Variants in PRDM16 observed in about 807,000 individuals in gnomAD.
PRDM16 encodes PR/SET domain 16.
Under a neutral mutation model 110.6 loss-of-function variants are expected in PRDM16, and 23 were observed. That is an observed-to-expected ratio of 0.21 (90% CI 0.15 to 0.29). PRDM16 has a LOEUF of 0.29. PRDM16 is among the 10% of genes least tolerant of loss of function. The pLI, the probability that PRDM16 is intolerant of heterozygous loss-of-function variation, is 1.00. For missense variants in PRDM16, 1,615 were observed against 1,794.3 expected, an observed-to-expected ratio of 0.90 and a Z score of 1.81; for synonymous variants, 799 against 781.8, an observed-to-expected ratio of 1.02 and a Z score of -0.37.
rs183332380 is a variant in PRDM16, at chr1:3,178,113, T to C, written c.38-8012T>C. 2.8e-4 allele frequency among the ~76,000 whole-genome samples: 43 copies of C among 151,756 alleles called. No individual in the cohort carries two copies. In the East Asian group the frequency reaches 7.6e-3, roughly 27 times the overall value. On this transcript the variant is annotated intron_variant, in intron 1 of 16. Transcript: ENST00000270722. ...GCCCGGTGTTTGGCGAGCTGAGGAG[T>C]GGATCCTCCCCCTGCCAGCGATATT...
At chr1:3,326,975 G>A (rs1641927220) in intron 3 of PRDM16, among the ~76,000 whole-genome samples, 1 of 152,246 alleles carries the variant, frequency 6.6e-6, no homozygotes, top group Non-Finnish European at 1.5e-5. Context: ...CCAGACGCCT[G>A]CCCTGGGAGG....
At chr1:3,103,369 G>C (rs955923576) in intron 1 of PRDM16, among the ~76,000 whole-genome samples, 2 of 152,192 alleles carry the variant, frequency 1.3e-5, no homozygotes, top group African/African-American at 4.8e-5. Context: ...ATTAGGGCCC[G>C]TCCTAATGAC....
At chr1:3,423,525 T>G (rs1025974780) in intron 12 of PRDM16, among the ~76,000 whole-genome samples, 2 of 152,004 alleles carry the variant, frequency 1.3e-5, no homozygotes, top group Admixed American at 6.6e-5. Context: ...CCCCTCCCGG[T>G]CTGGGAGGCC....
rs1333156958 is a variant in PRDM16, at chr1:3,358,867, C to A, written c.439-26285C>A. Among the ~76,000 whole-genome samples, 3 of 152,148 alleles carry A rather than the reference C, an allele frequency of 2.0e-5. No homozygotes were observed. Among genetic ancestry groups the A allele is most frequent in the Admixed American group, 6.5e-5 (1 of 15,274 alleles). ...CTCAAGCCATTTTGAGGAAAACAGA[C>A]ACCCCTCTTGGGCCGCAGAGGAGGT... On this transcript the variant is annotated intron_variant, in intron 3 of 16. Coordinates refer to ENST00000270722, the MANE Select transcript of PRDM16 (RefSeq NM_022114.4). The surrounding 1 kb of genome is among the most constrained non-coding windows in gnomAD (Gnocchi z 4.0).
At position 3,102,370 on chromosome 1, in the gene PRDM16, C is replaced by T. The variant is rs531526978; in HGVS notation, c.37+33074C>T. ...CTACAGCAGTCTTCCAGGATGGAGT[C>T]CTGGAATAAAAGCTGTCATGGGAAG... On this transcript the variant is annotated intron_variant, in intron 1 of 16. Transcript: ENST00000270722. 7.6e-4 allele frequency among the ~76,000 whole-genome samples: 115 copies of T among 152,298 alleles called. 1 individual carries two copies. The highest frequency in any genetic ancestry group is 1.1e-3 in the Non-Finnish European group (73 of 68,010).
chr1:3,287,292 A>G (rs1640870211), intron 3 of PRDM16, among the ~76,000 whole-genome samples: 1 of 142,858 alleles, frequency 7.0e-6, no homozygotes, highest in African/African-American at 2.7e-5. Context: ...GGCATCCAGG[A>G]TTGCATTTAC....
chr1:3,138,990 G>A lies in PRDM16; in HGVS notation c.38-47135G>A, dbSNP rs139304441. Reference sequence around the variant, plus strand: ...GCCAGTTTTCCTGTGTGCTGTGGGCGTTCAACTTTGACCTTTGGGATAAGA... The same window carrying A: ...GCCAGTTTTCCTGTGTGCTGTGGGCATTCAACTTTGACCTTTGGGATAAGA... On this transcript the variant is annotated intron_variant, in intron 1 of 16. Transcript: ENST00000270722. Among the ~76,000 whole-genome samples the A allele has an allele frequency of 3.1e-4, 47 of 152,288 alleles. No individual in the cohort carries two copies. In the South Asian group the frequency reaches 7.3e-3, roughly 24 times the overall value.
At chr1:3,261,764 A>T (rs1372397680) in intron 3 of PRDM16, among the ~76,000 whole-genome samples, 1 of 152,164 alleles carries the variant, frequency 6.6e-6, no homozygotes. Context: ...ACTGGCGTTC[A>T]GCCTGCCCCG....
chr1:3,292,777 TCTC>T (rs1403051502), intron 3 of PRDM16, among the ~76,000 whole-genome samples: 35 of 152,196 alleles, frequency 2.3e-4, no homozygotes, highest in Admixed American at 2.3e-3. Context: ...GGCTGAATGT[TCTC>T]CACCAGCACA....
chr1:3,359,435 T>G lies in PRDM16; in HGVS notation c.439-25717T>G, dbSNP rs1377568883. Among the ~76,000 whole-genome samples the G allele has an allele frequency of 1.3e-5, 2 of 152,048 alleles. No individual in the cohort carries two copies. The highest frequency in any genetic ancestry group is 2.9e-5 in the Non-Finnish European group (2 of 68,018). On this transcript the variant is annotated intron_variant, in intron 3 of 16. Coordinates refer to ENST00000270722, the MANE Select transcript of PRDM16 (RefSeq NM_022114.4). This position sits in a 1 kb window ranked among gnomAD's most constrained non-coding sequence, Gnocchi z 4.3. ...GCACATGGAACACATTGGAAGCCCT[T>G]GTCGGGTGCCACCTTCTAAGTAAAC...
chr1:3,242,695 G>A (rs1269517344), intron 2 of PRDM16, among the ~76,000 whole-genome samples: 5 of 152,228 alleles, frequency 3.3e-5, no homozygotes, highest in African/African-American at 1.2e-4. Context: ...GACTGGGAAC[G>A]CCAGCTCGTC....
At position 3,243,722 on chromosome 1, in the gene PRDM16, T is replaced by A. The variant is rs1639726144; in HGVS notation, c.388-365T>A. ...TTCACCATCCAGGGTGTCCATGCGCTCCTCCCAGATGGTTCTCATAAATAA... is the reference window on the plus strand; with the variant it reads ...TTCACCATCCAGGGTGTCCATGCGCACCTCCCAGATGGTTCTCATAAATAA... On this transcript the variant is annotated intron_variant, in intron 2 of 16. Coordinates refer to ENST00000270722, the MANE Select transcript of PRDM16 (RefSeq NM_022114.4). This position sits in a 1 kb window ranked among gnomAD's most constrained non-coding sequence, Gnocchi z 5.5. Among the ~76,000 whole-genome samples, 1 of 152,202 alleles carries A rather than the reference T, an allele frequency of 6.6e-6. No individual in the cohort carries two copies. Among genetic ancestry groups the A allele is most frequent in the Admixed American group, 6.5e-5 (1 of 15,280 alleles).
At chr1:3,125,932 G>T (rs1308929204) in intron 1 of PRDM16, among the ~76,000 whole-genome samples, 1 of 152,228 alleles carries the variant, frequency 6.6e-6, no homozygotes, top group Non-Finnish European at 1.5e-5. Context: ...GGCATTAGAG[G>T]CCCGAGAGCA....
At chr1:3,239,494 T>C (rs1639613106) in intron 2 of PRDM16, among the ~76,000 whole-genome samples, 1 of 152,142 alleles carries the variant, frequency 6.6e-6, no homozygotes, top group Non-Finnish European at 1.5e-5. Context: ...TTGCCATTTG[T>C]ATGCCCCTGG....
intron 1 of PRDM16, among the ~76,000 whole-genome samples, chr1:3,071,131 T>C (rs530314757): frequency 6.6e-6 from 1 of 152,350 alleles, no homozygotes; most frequent in Non-Finnish European, 1.5e-5. Context: ...TCGCCCAGGA[T>C]GGGCCCTAAG....
chr1:3,302,096 G>C (rs1331894130), intron 3 of PRDM16, among the ~76,000 whole-genome samples: 1 of 152,120 alleles, frequency 6.6e-6, no homozygotes, highest in Admixed American at 6.5e-5. Flanking sequence ...GTCCTAAACT[G>C]TTGCTCCTAG....
At chr1:3,200,072 G>C (rs1638580411) in intron 2 of PRDM16, among the ~76,000 whole-genome samples, 1 of 152,254 alleles carries the variant, frequency 6.6e-6, no homozygotes, top group African/African-American at 2.4e-5. Context: ...GTAAACATGG[G>C]ACCTTCTTCA....
At chr1:3,362,589 C>T (rs1358941389) in intron 3 of PRDM16, among the ~76,000 whole-genome samples, 1 of 152,138 alleles carries the variant, frequency 6.6e-6, no homozygotes, top group Non-Finnish European at 1.5e-5. Flanking sequence ...GCAGGGTCGC[C>T]TGGGACTGCC....
chr1:3,125,778 C>T (rs577312087), intron 1 of PRDM16, among the ~76,000 whole-genome samples: 10 of 152,366 alleles, frequency 6.6e-5, no homozygotes, highest in African/African-American at 1.7e-4. Context: ...ACGCCTGGCC[C>T]CTCGGAGCGG....
Sources: allele counts gnomAD v4.1 joint callset (sites outside exome capture counted in the v4.1 genomes callset), GRCh38; gene constraint gnomAD v4.1.1; non-coding constraint Gnocchi (gnomAD v3.1); transcripts MANE v1.5; gene names NCBI Gene and HGNC (gene_info 2026-07-23, HGNC 2026-07-21).